The following OSGIN1 variants were observed in gnomAD, a reference collection of about 807,000 sequenced individuals.
The protein encoded by OSGIN1 is oxidative stress induced growth inhibitor 1, also known as oxidative stress-induced growth inhibitor 1.
In OSGIN1, 19 loss-of-function variants were observed where a neutral mutation model predicts 20.1. That is an observed-to-expected ratio of 0.95 (90% CI 0.66 to 1.39). OSGIN1 has a LOEUF of 1.39. OSGIN1 is among the 40% of genes most tolerant of loss of function. The pLI, the probability that OSGIN1 is intolerant of heterozygous loss-of-function variation, is 0.00. For synonymous variants in OSGIN1, 368 were observed against 297.8 expected (o/e 1.24, Z -2.43); for missense variants, 820 against 653.0 (o/e 1.26, Z -2.79).
chr16:83,959,476 A>G lies in OSGIN1; in HGVS notation c.204+80A>G, dbSNP rs910009662. 6.6e-6 allele frequency: 9 copies of G among 1,363,436 alleles called. No individual in the cohort carries two copies. The African/African-American group carries it at 1.3e-4, about 20-fold the overall frequency. The allele number at this position is 1,363,436 out of a possible 1,614,324, so 84.5% of individuals were successfully genotyped here. On this transcript the variant is annotated intron_variant, in intron 3 of 5. Transcript: ENST00000393306. ...TACCGCCGCTTTCCCAGGGAAAAACAAAAGTGTGTGTTTGCTGGAAACAAG... is the reference window on the plus strand; with the variant it reads ...TACCGCCGCTTTCCCAGGGAAAAACGAAAGTGTGTGTTTGCTGGAAACAAG...
chr16:83,964,291 G>A (rs2084250866), intron 5 of OSGIN1, among the ~76,000 whole-genome samples: 1 of 147,978 alleles, frequency 6.8e-6, no homozygotes. Flanking sequence ...GCAGCAGAGT[G>A]AGACTCTGTC....
intron 3 of OSGIN1, 147 bp from the exon 4 acceptor site, chr16:83,960,422 C>T (rs938288415): frequency 6.3e-6 from 4 of 637,438 alleles, no homozygotes; most frequent in Admixed American, 5.9e-5. Context: ...GAGCTTCAAA[C>T]TACCCCCAGG....
chr16:83,965,580 A>C lies in OSGIN1; in HGVS notation c.1007A>C (p.Glu336Ala). ...FNQLPKMLYP[E>A]YHKVHQMMRE... ...CAGCTGCCCAAGATGCTGTACCCCG[A>C]GTACCACAAGGTGCACCAGATGATG... The change falls in exon 6 of 6, where the codon GAG becomes GCG. Residue 336 changes from glutamate (E) to alanine (A), a missense_variant. Physicochemically the swap from Glu to Ala is moderately radical, Grantham distance 107 (BLOSUM62 -1). Coordinates refer to ENST00000393306, the MANE Select transcript of OSGIN1 (RefSeq NM_182981.3). 2 of 1,612,958 alleles carry C rather than the reference A, an allele frequency of 1.2e-6. No individual in the cohort carries two copies. The highest frequency in any genetic ancestry group is 1.7e-6 in the Non-Finnish European group (2 of 1,180,000).
intron 3 of OSGIN1, among the ~76,000 whole-genome samples, chr16:83,960,079 T>G (rs1909130558): frequency 6.6e-6 from 1 of 152,166 alleles, no homozygotes; most frequent in African/African-American, 2.4e-5. Context: ...GTCTTGACCA[T>G]TTGATCTAGA....
intron 1 of OSGIN1, chr16:83,954,765 G>A: frequency 2.0e-6 from 2 of 984,772 alleles, no homozygotes; most frequent in Non-Finnish European, 2.4e-6. Context: ...TGGTAAACCA[G>A]TGTCCTCTGC....
rs1252320059 is a variant in OSGIN1, at chr16:83,965,871, C to T, written c.1298C>T (p.Thr433Ile). 2 of 1,612,930 alleles carry T rather than the reference C, an allele frequency of 1.2e-6. No homozygotes were observed. Among genetic ancestry groups the T allele is most frequent in the Non-Finnish European group, 1.7e-6 (2 of 1,180,000 alleles). Residue 433 changes from threonine (T) to isoleucine (I), a missense_variant, in exon 6 of 6, where the codon ACC (threonine) becomes ATC (isoleucine). By Grantham distance (89) the Thr-to-Ile change is moderately conservative. Coordinates refer to ENST00000393306, the MANE Select transcript of OSGIN1 (RefSeq NM_182981.3). ...KRNPIDVDPF[T>I]YQSTRQEGLY... The stretch of plus-strand genomic sequence containing the variant: ...AACCCCATTGACGTGGACCCCTTCA[C>T]CTACCAGAGCACCCGCCAGGAGGGC...
chr16:83,957,003 C>G (rs1274789355), intron 1 of OSGIN1: 1 of 152,384 alleles, frequency 6.6e-6, no homozygotes, highest in Non-Finnish European at 1.5e-5. Flanking sequence ...TTCCATTTCC[C>G]CAAGTCCATC....
chr16:83,957,415 G>C (rs769029071), intron 1 of OSGIN1, among the ~76,000 whole-genome samples: 1 of 152,204 alleles, frequency 6.6e-6, no homozygotes, highest in Admixed American at 6.5e-5. Context: ...GGCCCGAGGA[G>C]GGGAGGGCAC....
chr16:83,963,305 T>A (rs2084237012), intron 5 of OSGIN1, among the ~76,000 whole-genome samples: 1 of 152,238 alleles, frequency 6.6e-6, no homozygotes, highest in Non-Finnish European at 1.5e-5. Context: ...AAGCGTTTCA[T>A]GTGGTGAAGT....
In OSGIN1 at chr16:83,965,345, C is replaced by T; in HGVS notation, c.772C>T (p.Pro258Ser). 1.3e-6 allele frequency: 2 copies of T among 1,571,328 alleles called. No homozygotes were observed. The highest frequency in any genetic ancestry group is 1.7e-6 in the Non-Finnish European group (2 of 1,160,522). ...TFDSPARLGI[P>S]GEALPFIHHE... ...CGACAGCCCGGCCCGGCTGGGCATC[C>T]CCGGGGAGGCCCTGCCCTTCATCCA... Residue 258 changes from proline to serine, a missense_variant, in exon 6 of 6, where the codon CCC (proline) becomes TCC (serine). Transcript: ENST00000393306.
chr16:83,955,618 G>A (rs1230974057), intron 1 of OSGIN1, among the ~76,000 whole-genome samples: 1 of 152,198 alleles, frequency 6.6e-6, no homozygotes, highest in Admixed American at 6.5e-5. Context: ...CGTGTATTAA[G>A]TGTTGAGATC....
Position 83,965,515 on chromosome 16 carries a change from C to T in OSGIN1, c.942C>T (p.Ala314=). Residue 314 remains alanine (A), a synonymous_variant, in exon 6 of 6, where the codon GCC becomes GCT. Transcript: ENST00000393306. Reference sequence around the variant, plus strand: ...ACTACAACATCCCGGTGATCCATGCCTTCCGCCGGGCCGTGGACGACCCTG... The same window carrying T: ...ACTACAACATCCCGGTGATCCATGCTTTCCGCCGGGCCGTGGACGACCCTG... The part of the protein sequence containing the change: ...ARHYNIPVIH[A]FRRAVDDPGL... 1 of 1,612,294 alleles carries T rather than the reference C, an allele frequency of 6.2e-7. No individual in the cohort carries two copies. The highest frequency in any genetic ancestry group is 8.5e-7 in the Non-Finnish European group (1 of 1,180,002).
chr16:83,953,533 G>A (rs767305262), intron 1 of OSGIN1, among the ~76,000 whole-genome samples, 163 bp downstream of exon 1: 18 of 152,150 alleles, frequency 1.2e-4, no homozygotes, highest in Non-Finnish European at 2.1e-4. Context: ...AGCCCGGCAG[G>A]ATTCTCCCCT....
Position 83,966,120 on chromosome 16 carries a change from G to C in OSGIN1, c.*113G>C. The C allele has an allele frequency of 1.1e-6, 1 of 885,480 alleles. No homozygotes were observed. The highest frequency in any genetic ancestry group is 1.7e-6 in the Non-Finnish European group (1 of 598,062). The allele number at this position is 885,480 out of a possible 1,614,324, so 54.9% of individuals were successfully genotyped here. ...CCGGGGAGGGGTGTCAGCCCACGTT[G>C]CTGGCCTTTGGGGTCAAGAGGAGTA... On this transcript the variant is annotated 3_prime_UTR_variant, in exon 6 of 6. Coordinates refer to ENST00000393306, the MANE Select transcript of OSGIN1 (RefSeq NM_182981.3).
chr16:83,953,804 C>T lies in OSGIN1; in HGVS notation c.-33+434C>T, dbSNP rs902984861. Among the ~76,000 whole-genome samples, 29 of 152,322 alleles carry T rather than the reference C, an allele frequency of 1.9e-4. 1 individual carries two copies. The highest frequency in any genetic ancestry group is 7.0e-4 in the African/African-American group (29 of 41,580). Reference sequence around the variant, plus strand: ...GAGCCCTTGGGTGCCCATGAACAGCCCCCATCCCTGGAGGTCCCAGCGACT... The same window carrying T: ...GAGCCCTTGGGTGCCCATGAACAGCTCCCATCCCTGGAGGTCCCAGCGACT... On this transcript the variant is annotated intron_variant, in intron 1 of 5. Transcript: ENST00000393306.
In OSGIN1 at chr16:83,956,397, C is replaced by A. The variant is rs923165441; in HGVS notation, c.-32-1243C>A. Among the ~76,000 whole-genome samples the A allele has an allele frequency of 3.9e-5, 6 of 152,362 alleles. No homozygotes were observed. The South Asian group carries it at 8.3e-4, about 21-fold the overall frequency. On this transcript the variant is annotated intron_variant, in intron 1 of 5. Transcript: ENST00000393306. ...ACATAGAAATCCAGATTCCCACTTT[C>A]TCTGGAAGAATTCTGGAGGCAGGTG...
At position 83,959,318 on chromosome 16, in the gene OSGIN1, G is replaced by A. The variant is rs559047552; in HGVS notation, c.126G>A (p.Thr42=). ...SYLLSGYTPY[T]KPDAIHPHPL... is the part of the protein sequence containing the mutation. The stretch of plus-strand genomic sequence containing the variant: ...TGCTCTCCGGCTACACACCCTACAC[G>A]AAGCCAGATGCCATCCACCCACACC... Residue 42 remains threonine (T), a synonymous_variant, in exon 3 of 6, where the codon ACG becomes ACA. Coordinates refer to ENST00000393306, the MANE Select transcript of OSGIN1 (RefSeq NM_182981.3). 164 of 1,613,556 alleles carry A rather than the reference G, an allele frequency of 1.0e-4. 2 individuals carry two copies. In the South Asian group the frequency reaches 1.6e-3, roughly 16 times the overall value.
At chr16:83,958,455 T>C (rs999060926) in intron 2 of OSGIN1, among the ~76,000 whole-genome samples, 1 of 152,210 alleles carries the variant, frequency 6.6e-6, no homozygotes, top group Non-Finnish European at 1.5e-5. Flanking sequence ...GTCCTCTGTC[T>C]GCACAAATGG....
Position 83,965,317 on chromosome 16 carries a change from G to A in OSGIN1, c.744G>A (p.Thr248=), listed in dbSNP as rs146347192. ...GCAACGTGGTCCTCGCCACAGGCAC[G>A]TTCGACAGCCCGGCCCGGCTGGGCA... ...WARNVVLATG[T]FDSPARLGIP... The change falls in exon 6 of 6, where the codon ACG becomes ACA. Residue 248 remains threonine, a synonymous_variant. Transcript: ENST00000393306. The A allele has an allele frequency of 1.7e-4, 262 of 1,583,934 alleles. No homozygotes were observed. Among genetic ancestry groups the A allele is most frequent in the Non-Finnish European group, 2.2e-4 (251 of 1,164,504 alleles).
Sources: gnomAD v4.1 joint callset for allele counts (sites outside exome capture counted in the v4.1 genomes callset) on GRCh38, gnomAD v4.1.1 for gene constraint, MANE v1.5 for transcripts, NCBI Gene and HGNC (gene_info 2026-07-23, HGNC 2026-07-21) for gene names.